Variants in NKAIN3 observed in about 807,000 individuals in gnomAD.
NKAIN3 encodes the protein sodium/potassium transporting ATPase interacting 3.
NKAIN3 carries 25 observed loss-of-function variants against 30.2 expected under a neutral mutation model. The ratio of observed to expected loss-of-function variants is 0.83; its 90% CI spans 0.60 to 1.16. NKAIN3 has a LOEUF of 1.16. NKAIN3 is among the 50% of genes most tolerant of loss of function. The pLI is 0.00. For missense variants in NKAIN3, 225 were observed against 254.1 expected, an observed-to-expected ratio of 0.89 and a Z score of 0.78; for synonymous variants, 91 against 89.6, an observed-to-expected ratio of 1.02 and a Z score of -0.09.
At chr8:62,557,346 A>G (rs1809432565) in intron 1 of NKAIN3, among the ~76,000 whole-genome samples, 1 of 152,044 alleles carries the variant, frequency 6.6e-6, no homozygotes, top group Admixed American at 6.6e-5. Context: ...TGCAGTTGTG[A>G]ATTGTGCTGC....
intron 3 of NKAIN3, among the ~76,000 whole-genome samples, chr8:62,635,107 C>G (rs1327366499): frequency 6.6e-6 from 1 of 152,022 alleles, no homozygotes; most frequent in African/African-American, 2.4e-5. Flanking sequence ...CTGCAGAGAC[C>G]TTAGGCACTG....
intron 1 of NKAIN3, among the ~76,000 whole-genome samples, chr8:62,460,062 C>T (rs991828164): frequency 1.3e-5 from 2 of 152,058 alleles, no homozygotes; most frequent in African/African-American, 2.4e-5. Flanking sequence ...TGTGGTGGGA[C>T]GCCAGTGAAA....
chr8:62,407,484 G>A (rs996756748), intron 1 of NKAIN3, among the ~76,000 whole-genome samples: 2 of 133,510 alleles, frequency 1.5e-5, no homozygotes, highest in South Asian at 2.6e-4. Flanking sequence ...TGCAACCTCC[G>A]CCTCCCGAGT....
At chr8:62,578,508 C>T (rs956295982) in intron 1 of NKAIN3, among the ~76,000 whole-genome samples, 1 of 151,738 alleles carries the variant, frequency 6.6e-6, no homozygotes, top group African/African-American at 2.4e-5. Flanking sequence ...AGTCTTGAGC[C>T]CAGAGTAAGT....
chr8:62,906,489 T>A (rs1009884229), intron 4 of NKAIN3, among the ~76,000 whole-genome samples: 1 of 152,174 alleles, frequency 6.6e-6, no homozygotes, highest in African/African-American at 2.4e-5. Context: ...TAACAAGCAG[T>A]ATTGTAGAAC....
chr8:62,869,739 G>GT (rs1047917728), intron 4 of NKAIN3, among the ~76,000 whole-genome samples: 11 of 151,738 alleles, frequency 7.2e-5, no homozygotes, highest in East Asian at 3.9e-4. Flanking sequence ...TGTCAGCCCC[G>GT]TTTTTTTTCC....
intron 3 of NKAIN3, among the ~76,000 whole-genome samples, chr8:62,638,939 T>C (rs1282664238): frequency 2.0e-5 from 3 of 152,206 alleles, no homozygotes; most frequent in Non-Finnish European, 2.9e-5. Flanking sequence ...TGTTCTAAAC[T>C]AATTCAGACT....
chr8:62,527,985 AATT>A (rs1563441133), intron 1 of NKAIN3, among the ~76,000 whole-genome samples: 2 of 151,270 alleles, frequency 1.3e-5, no homozygotes, highest in Non-Finnish European at 2.9e-5. Flanking sequence ...TTGTGAGGAA[AATT>A]ATTTAGTTCT....
At chr8:62,619,011 G>T (rs1811545351) in intron 3 of NKAIN3, among the ~76,000 whole-genome samples, 1 of 152,172 alleles carries the variant, frequency 6.6e-6, no homozygotes, top group Admixed American at 6.5e-5. Context: ...GTGCTGTTGG[G>T]TTAAGCATTC....
At chr8:62,669,573 A>G (rs1006985340) in intron 3 of NKAIN3, among the ~76,000 whole-genome samples, 2 of 152,216 alleles carry the variant, frequency 1.3e-5, no homozygotes, top group African/African-American at 2.4e-5. Flanking sequence ...CCATGTTAGC[A>G]TGTATAATCA....
At chr8:62,421,285 C>G (rs377177626) in intron 1 of NKAIN3, among the ~76,000 whole-genome samples, 1 of 152,086 alleles carries the variant, frequency 6.6e-6, no homozygotes. Context: ...GCTGCAGGAT[C>G]GACTGTCCCA....
At chr8:62,434,573 C>T (rs548431355) in intron 1 of NKAIN3, among the ~76,000 whole-genome samples, 1 of 152,256 alleles carries the variant, frequency 6.6e-6, no homozygotes, top group Admixed American at 6.5e-5. Flanking sequence ...ACTGCTTTTT[C>T]TCTTCCAAGT....
chr8:62,303,500 C>T (rs976672926), intron 1 of NKAIN3, among the ~76,000 whole-genome samples: 3 of 150,364 alleles, frequency 2.0e-5, no homozygotes, highest in African/African-American at 7.5e-5. Flanking sequence ...AATGAAGACT[C>T]CTTTTGGAAT....
chr8:62,746,225 A>G (rs1270987608), intron 3 of NKAIN3, among the ~76,000 whole-genome samples: 2 of 152,132 alleles, frequency 1.3e-5, no homozygotes, highest in Admixed American at 6.5e-5. Flanking sequence ...CTCTGCTTCT[A>G]TGGTCACATT....
At chr8:62,419,720 G>A (rs1563390721) in intron 1 of NKAIN3, among the ~76,000 whole-genome samples, 2 of 152,120 alleles carry the variant, frequency 1.3e-5, no homozygotes, top group Non-Finnish European at 2.9e-5. Context: ...AAGAAATGCT[G>A]GCTGCCATTC....
At chr8:62,829,178 A>G (rs1819117718) in intron 4 of NKAIN3, among the ~76,000 whole-genome samples, 1 of 152,232 alleles carries the variant, frequency 6.6e-6, no homozygotes, top group Non-Finnish European at 1.5e-5. Flanking sequence ...GTCATGAGTT[A>G]TTGCCTTAAT....
intron 3 of NKAIN3, among the ~76,000 whole-genome samples, chr8:62,649,555 CA>C (rs768865434): frequency 1.3e-5 from 2 of 152,026 alleles, no homozygotes; most frequent in African/African-American, 4.8e-5. Context: ...ACTACAGAAG[CA>C]AAAAAATCCA....
chr8:62,465,045 T>C (rs537322208), intron 1 of NKAIN3, among the ~76,000 whole-genome samples: 115 of 152,288 alleles, frequency 7.6e-4, no homozygotes, highest in African/African-American at 1.8e-3. Flanking sequence ...AGATTAAATA[T>C]CGCATTTCCA....
chr8:62,716,824 A>G (rs1393778035), intron 3 of NKAIN3, among the ~76,000 whole-genome samples: 2 of 152,082 alleles, frequency 1.3e-5, no homozygotes, highest in East Asian at 1.9e-4. Flanking sequence ...ACTGCCAGCC[A>G]TGGTAGCTCA....
Sources: gnomAD v4.1 joint callset for allele counts (sites outside exome capture counted in the v4.1 genomes callset) on GRCh38, gnomAD v4.1.1 for gene constraint, MANE v1.5 for transcripts, NCBI Gene and HGNC (gene_info 2026-07-23, HGNC 2026-07-21) for gene names.